The following COA6 variants were observed in gnomAD, a reference collection of about 807,000 sequenced individuals.
COA6 encodes cytochrome c oxidase assembly factor 6 homolog.
COA6 carries 12 observed loss-of-function variants against 17.1 expected under a neutral mutation model. The ratio of observed to expected loss-of-function variants is 0.70; its 90% CI spans 0.45 to 1.14. The LOEUF is 1.14. Ranked by LOEUF, COA6 falls within the 50% of genes most tolerant of loss-of-function variation. COA6 has a pLI of 0.00. For missense variants in COA6, 246 were observed against 196.5 expected (o/e 1.25, Z -1.51); for synonymous variants, 90 against 73.4 (o/e 1.23, Z -1.16).
Position 234,373,510 on chromosome 1 carries a change from T to C in COA6, c.44T>C (p.Val15Ala). The C allele has an allele frequency of 1.9e-6, 3 of 1,606,260 alleles. No homozygotes were observed. The highest frequency in any genetic ancestry group is 2.6e-6 in the Non-Finnish European group (3 of 1,176,312). Residue 15 changes from valine to alanine, a missense_variant, in exon 1 of 3, where the codon GTG becomes GCG. Transcript: ENST00000366615. ...KGQKSPRFRR[V>A]SCFLRLGRST... Reference sequence around the variant, plus strand: ...CAAAAGAGTCCGCGGTTTCGCCGCGTGAGTTGCTTTTTGCGGCTGGGGAGG... The same window carrying C: ...CAAAAGAGTCCGCGGTTTCGCCGCGCGAGTTGCTTTTTGCGGCTGGGGAGG...
chr1:234,383,500 C>T lies in COA6; in HGVS notation c.373-223C>T, dbSNP rs1365644062. 5.3e-5 allele frequency among the ~76,000 whole-genome samples: 8 copies of T among 150,732 alleles called. 1 individual carries two copies. The highest frequency in any genetic ancestry group is 2.1e-4 in the South Asian group (1 of 4,776). On this transcript the variant is annotated intron_variant, in intron 2 of 2. Transcript: ENST00000366615. ...TGTATACATATGTAACTAACCTGCA[C>T]GTTGTGCACGTGTACCCTAAAACTT... is the stretch of plus-strand genomic sequence containing the variant.
In COA6 at chr1:234,383,877, G is replaced by T; in HGVS notation, c.*59G>T. The T allele has an allele frequency of 1.2e-6, 1 of 830,974 alleles. No individual in the cohort carries two copies. Among genetic ancestry groups the T allele is most frequent in the Non-Finnish European group, 2.0e-6 (1 of 495,156 alleles). The allele number at this position is 830,974 out of a possible 1,614,324, so 51.5% of individuals were successfully genotyped here. On this transcript the variant is annotated 3_prime_UTR_variant, in exon 3 of 3. Transcript: ENST00000366615. ...ACATTGAAAAAGCTCCACTGACTAT[G>T]GAACAGTAATAGTTTGAATCATAGT...
At position 234,384,409 on chromosome 1, in the gene COA6, A is replaced by ACTAT. The variant is rs1429620862; in HGVS notation, c.*594_*597dup. 2.0e-5 allele frequency among the ~76,000 whole-genome samples: 3 copies of ACTAT among 152,206 alleles called. No individual in the cohort carries two copies. Among genetic ancestry groups the ACTAT allele is most frequent in the Admixed American group, 1.3e-4 (2 of 15,276 alleles). ...CTAGCTCTACTCACATATAATAAAT[A>ACTAT]CTATCTTATAGAATGTACCAATGGA... On this transcript the variant is annotated 3_prime_UTR_variant, in exon 3 of 3. Coordinates refer to ENST00000366615, the MANE Select transcript of COA6 (RefSeq NM_001206641.3).
rs1658709292 is a variant in COA6 at position 234,374,116 on chromosome 1, T to G, written c.213-114T>G. On this transcript the variant is annotated intron_variant, in intron 1 of 2. Transcript: ENST00000366615. ...GCATGGTTTTGTTTTGTTTTTGTTT[T>G]TTTTTTTTTTTTTAGTTTTAAAGGA... is the stretch of plus-strand genomic sequence containing the variant. 7 of 1,104,084 alleles carry G rather than the reference T, an allele frequency of 6.3e-6. No homozygotes were observed. In the African/African-American group the frequency reaches 6.6e-5, roughly 10 times the overall value. 68.4% of individuals were successfully genotyped at this position (1,104,084 alleles called of 1,614,324 possible). A position where few individuals can be genotyped will look rare whatever the true frequency, so the allele number is the denominator to read the frequency against.
In COA6 at chr1:234,373,561, C is replaced by G. The variant is rs1658673725; in HGVS notation, c.95C>G (p.Ala32Gly). Reference sequence around the variant, plus strand: ...TCTACGCTTCTAGAGCTTGAGCCAGCGGGGCGACCCTGCAGTGGCAGGACT... The same window carrying G: ...TCTACGCTTCTAGAGCTTGAGCCAGGGGGGCGACCCTGCAGTGGCAGGACT... ...GRSTLLELEP[A>G]GRPCSGRTRH... The change falls in exon 1 of 3, where the codon GCG (alanine) becomes GGG (glycine). Residue 32 changes from alanine to glycine, a missense_variant. Coordinates refer to ENST00000366615, the MANE Select transcript of COA6 (RefSeq NM_001206641.3). 1 of 1,611,794 alleles carries G rather than the reference C, an allele frequency of 6.2e-7. No homozygotes were observed. The highest frequency in any genetic ancestry group is 1.1e-5 in the South Asian group (1 of 90,960).
chr1:234,374,158 T>C lies in COA6; in HGVS notation c.213-72T>C, dbSNP rs1006772225. On this transcript the variant is annotated intron_variant, in intron 1 of 2. Transcript: ENST00000366615. ...TTTAAAGGAAGAGGAGATTGACGGT[T>C]TTCCTCTTTCCTTATCTTCTCTTCA... is the stretch of plus-strand genomic sequence containing the variant. 3 of 1,403,746 alleles carry C rather than the reference T, an allele frequency of 2.1e-6. No individual in the cohort carries two copies. The African/African-American group carries it at 4.4e-5, about 20-fold the overall frequency. The allele number at this position is 1,403,746 out of a possible 1,614,324, so 87.0% of individuals were successfully genotyped here. A position where few individuals can be genotyped will look rare whatever the true frequency, so the allele number is the denominator to read the frequency against.
intron 2 of COA6, among the ~76,000 whole-genome samples, chr1:234,380,749 C>T (rs546150895): frequency 2.6e-5 from 4 of 152,336 alleles, no homozygotes; most frequent in South Asian, 2.1e-4. Context: ...GGATTATAGG[C>T]GTGAGCCACC....
At position 234,383,535 on chromosome 1, in the gene COA6, T is replaced by TA. The variant is rs1206807601; in HGVS notation, c.373-177dup. Among the ~76,000 whole-genome samples the TA allele has an allele frequency of 1.5e-3, 183 of 121,154 alleles. 1 individual carries two copies. The highest frequency in any genetic ancestry group is 3.8e-3 in the African/African-American group (120 of 31,360). The allele number at this position is 121,154 out of a possible 152,430, so 79.5% of individuals were successfully genotyped here. On this transcript the variant is annotated intron_variant, in intron 2 of 2. Transcript: ENST00000366615. Reference sequence around the variant, plus strand: ...GTGTACCCTAAAACTTAAAGTATAATAAAAAAAAAAAGAAAAACATCATTC... The same window carrying TA: ...GTGTACCCTAAAACTTAAAGTATAATAAAAAAAAAAAAGAAAAACATCATTC...
chr1:234,380,724 A>G (rs1347823764), intron 2 of COA6, among the ~76,000 whole-genome samples: 1 of 152,226 alleles, frequency 6.6e-6, no homozygotes, highest in Admixed American at 6.5e-5. Flanking sequence ...TAATGGTCCT[A>G]TTGAAAGTCT....
At chr1:234,383,604 G>T in intron 2 of COA6, 119 bp from the exon 3 acceptor site, 1 of 549,142 alleles carries the variant, frequency 1.8e-6, no homozygotes, top group East Asian at 2.9e-5. Context: ...ACACAAAATG[G>T]TTCTAGAATA....
chr1:234,383,698 T>A (rs1282112990), intron 2 of COA6, 25 bp from the exon 3 acceptor site: 1 of 996,782 alleles, frequency 1.0e-6, no homozygotes, highest in Admixed American at 2.2e-5. Flanking sequence ...TTGCCCTTAT[T>A]TCAAATCCTT....
At chr1:234,380,555 G>C (rs1352098583) in intron 2 of COA6, among the ~76,000 whole-genome samples, 1 of 152,154 alleles carries the variant, frequency 6.6e-6, no homozygotes, top group East Asian at 1.9e-4. Context: ...CCACCAAATT[G>C]GGATTTAGAT....
Position 234,377,115 on chromosome 1 carries a change from T to C in COA6, c.372+2726T>C. 1.7e-5 allele frequency among the ~76,000 whole-genome samples: 2 copies of C among 118,842 alleles called. 1 individual carries two copies. Among genetic ancestry groups the C allele is most frequent in the Non-Finnish European group, 3.5e-5 (2 of 57,752 alleles). 78.0% of individuals were successfully genotyped at this position (118,842 alleles called of 152,430 possible). On this transcript the variant is annotated intron_variant, in intron 2 of 2. Transcript: ENST00000366615. ...GAGAGAGAGAGATCCAGTCTCTGTC[T>C]CCTCTTTTTTTGTTTTTTTTGTTGT...
At chr1:234,375,440 T>G (rs1222826910) in intron 2 of COA6, among the ~76,000 whole-genome samples, 2 of 152,240 alleles carry the variant, frequency 1.3e-5, no homozygotes, top group East Asian at 1.9e-4. Flanking sequence ...TGGATTTGCC[T>G]GTGCTTTTTC....
At chr1:234,373,961 G>A in intron 1 of COA6, 1 of 1,261,216 alleles carries the variant, frequency 7.9e-7, no homozygotes, top group South Asian at 1.5e-5. Context: ...TTCTCAGCCG[G>A]GCTTTCTGAG....
chr1:234,381,161 C>T (rs1181829106), intron 2 of COA6, among the ~76,000 whole-genome samples: 2 of 152,136 alleles, frequency 1.3e-5, no homozygotes, highest in Non-Finnish European at 2.9e-5. Flanking sequence ...TTCTATAAAA[C>T]TTTGAAATGT....
intron 1 of COA6, 118 bp from the exon 2 acceptor site, chr1:234,374,112 G>GT (rs61077059): frequency 0.025 from 21,630 of 854,280 alleles, no homozygotes; most frequent in South Asian, 0.047. Context: ...TTTTGTTTTT[G>GT]TTTTTTTTTT....
chr1:234,379,745 C>T (rs904477764), intron 2 of COA6, among the ~76,000 whole-genome samples: 7 of 152,180 alleles, frequency 4.6e-5, no homozygotes, highest in Middle Eastern at 3.4e-3. Flanking sequence ...CTTCACAAGG[C>T]GGCAGGAAGG....
intron 2 of COA6, among the ~76,000 whole-genome samples, chr1:234,383,194 A>G (rs1428734532): frequency 6.6e-6 from 1 of 152,078 alleles, no homozygotes; most frequent in Non-Finnish European, 1.5e-5. Flanking sequence ...CTGTGTGCAC[A>G]TGGGTCCATT....
Sources: allele counts gnomAD v4.1 joint callset (sites outside exome capture counted in the v4.1 genomes callset), GRCh38; gene constraint gnomAD v4.1.1; transcripts MANE v1.5; gene names NCBI Gene and HGNC (gene_info 2026-07-23, HGNC 2026-07-21).